The following ATRNL1 variants were observed in gnomAD, a reference collection of about 807,000 sequenced individuals.
The protein encoded by ATRNL1 is attractin like 1.
ATRNL1 carries 95 observed loss-of-function variants against 182.7 expected under a neutral mutation model. The observed-to-expected ratio is 0.52, with a 90% CI of 0.44 to 0.62. ATRNL1 has a LOEUF of 0.62. Ranked by LOEUF, ATRNL1 falls within the 20% of genes least tolerant of loss-of-function variation. ATRNL1 has a pLI of 0.00. For missense variants in ATRNL1, 1,471 were observed against 1,679.5 expected (o/e 0.88, Z 2.17); for synonymous variants, 576 against 568.3 (o/e 1.01, Z -0.19).
rs1435814425 is a variant in ATRNL1, at chr10:115,300,210, A to G, written c.2592A>G (p.Thr864=). Reference sequence around the variant, plus strand: ...CAGGCTTAAAAGCTAATCCTTGTACATCTATGGCAAATGGCCTTGTCTGTG... The same window carrying G: ...CAGGCTTAAAAGCTAATCCTTGTACGTCTATGGCAAATGGCCTTGTCTGTG... ...AVAGLKANPC[T]SMANGLVCEK... The change falls in exon 16 of 29, where the codon ACA becomes ACG. Residue 864 remains threonine (T), a synonymous_variant. Coordinates refer to ENST00000355044, the MANE Select transcript of ATRNL1 (RefSeq NM_207303.4). 4 of 1,613,894 alleles carry G rather than the reference A, an allele frequency of 2.5e-6. No homozygotes were observed. The African/African-American group carries it at 4.0e-5, about 16-fold the overall frequency.
intron 1 of ATRNL1, among the ~76,000 whole-genome samples, chr10:115,118,674 C>T (rs1215148236): frequency 6.6e-6 from 1 of 152,124 alleles, no homozygotes; most frequent in Non-Finnish European, 1.5e-5. Flanking sequence ...TCCTCCTCTC[C>T]CCTTGAGGCT....
Position 115,108,207 on chromosome 10 carries a change from CAGTTA to C in ATRNL1, c.294-11976_294-11972del, listed in dbSNP as rs1447224549. Among the ~76,000 whole-genome samples the C allele has an allele frequency of 2.6e-5, 4 of 152,090 alleles. 1 individual carries two copies. The highest frequency in any genetic ancestry group is 9.7e-5 in the African/African-American group (4 of 41,412). On this transcript the variant is annotated intron_variant, in intron 1 of 28. Transcript: ENST00000355044. ...TACCTTCTCGCATCTTTACTATATG[CAGTTA>C]AAAGTAGCCACGCAGCTCTTTCAAT...
rs754057599 is a variant in ATRNL1 at position 115,152,909 on chromosome 10, GA to G, written c.830-7130del. ...ATCCCATCAATACCGAATTTATTGA[GA>G]TTTTTTTTAGCATGAAGGGCTGTTG... On this transcript the variant is annotated intron_variant, in intron 5 of 28. Transcript: ENST00000355044. Among the ~76,000 whole-genome samples, 72 of 152,116 alleles carry G rather than the reference GA, an allele frequency of 4.7e-4. 1 individual carries two copies. The highest frequency in any genetic ancestry group is 3.4e-3 in the Middle Eastern group (1 of 294).
intron 27 of ATRNL1, among the ~76,000 whole-genome samples, chr10:115,793,902 G>A (rs998265202): frequency 1.3e-5 from 2 of 152,090 alleles, no homozygotes; most frequent in African/African-American, 4.8e-5. Flanking sequence ...AAAAATCAAT[G>A]AACTATGTGC....
chr10:115,187,527 A>G lies in ATRNL1; in HGVS notation c.1348+16235A>G, dbSNP rs551126993. ...CAGACTGGATTCTATGCTGGATGAAAAATTAAAAAATGCTATGAAGGACAT... is the reference window on the plus strand; with the variant it reads ...CAGACTGGATTCTATGCTGGATGAAGAATTAAAAAATGCTATGAAGGACAT... On this transcript the variant is annotated intron_variant, in intron 8 of 28. Coordinates refer to ENST00000355044, the MANE Select transcript of ATRNL1 (RefSeq NM_207303.4). 2.9e-4 allele frequency among the ~76,000 whole-genome samples: 44 copies of G among 152,236 alleles called. 2 individuals are homozygous for G. The highest frequency in any genetic ancestry group is 3.4e-3 in the Middle Eastern group (1 of 294).
intron 25 of ATRNL1, among the ~76,000 whole-genome samples, chr10:115,535,395 C>G (rs566690636): frequency 1.3e-5 from 2 of 151,162 alleles, no homozygotes; most frequent in Non-Finnish European, 3.0e-5. Context: ...TCCAGTTGAT[C>G]GCATCGGCTC....
intron 26 of ATRNL1, among the ~76,000 whole-genome samples, chr10:115,678,837 A>G (rs1195718280): frequency 6.6e-6 from 1 of 152,144 alleles, no homozygotes; most frequent in Non-Finnish European, 1.5e-5. Flanking sequence ...AAATCTGGTC[A>G]TATAATGTAG....
At chr10:115,487,773 A>G (rs2134641537) in intron 24 of ATRNL1, among the ~76,000 whole-genome samples, 1 of 152,300 alleles carries the variant, frequency 6.6e-6, no homozygotes, top group Non-Finnish European at 1.5e-5. Flanking sequence ...TATGTTGAAT[A>G]GGAGTGATGA....
At chr10:115,665,530 A>G (rs886289952) in intron 26 of ATRNL1, among the ~76,000 whole-genome samples, 7 of 152,186 alleles carry the variant, frequency 4.6e-5, no homozygotes, top group Admixed American at 4.6e-4. Flanking sequence ...GATGACGAGG[A>G]GGAAGAAGAA....
At chr10:115,750,657 T>G (rs148267720) in intron 27 of ATRNL1, among the ~76,000 whole-genome samples, 1 of 152,086 alleles carries the variant, frequency 6.6e-6, no homozygotes, top group Non-Finnish European at 1.5e-5. Flanking sequence ...CTAAAATAAT[T>G]GCAAATATTT....
intron 17 of ATRNL1, among the ~76,000 whole-genome samples, chr10:115,303,221 GT>G (rs5788103): frequency 0.65 from 69,455 of 106,498 alleles, 21,254 homozygotes; most frequent in Middle Eastern, 0.74. Context: ...TGGTATGCAG[GT>G]TTTTTTTTTT....
intron 26 of ATRNL1, among the ~76,000 whole-genome samples, chr10:115,657,944 C>A (rs1860428688): frequency 1.3e-5 from 2 of 151,908 alleles, no homozygotes; most frequent in South Asian, 4.2e-4. Flanking sequence ...AATTGTAACT[C>A]TTTATGAATT....
chr10:115,568,506 G>A (rs1854201214), intron 26 of ATRNL1, among the ~76,000 whole-genome samples: 1 of 151,864 alleles, frequency 6.6e-6, no homozygotes, highest in African/African-American at 2.4e-5. Flanking sequence ...ATATATTCAT[G>A]TCTACATGAA....
chr10:115,160,362 A>G (rs1846725168), intron 6 of ATRNL1, 148 bp downstream of exon 6: 4 of 648,982 alleles, frequency 6.2e-6, no homozygotes, highest in African/African-American at 1.8e-5. Context: ...GAATACATGA[A>G]CTCAGTATGT....
chr10:115,651,067 A>C (rs1029432325), intron 26 of ATRNL1, among the ~76,000 whole-genome samples: 1 of 152,300 alleles, frequency 6.6e-6, no homozygotes, highest in African/African-American at 2.4e-5. Context: ...TGTTCCGCTG[A>C]CTTGCTTTGG....
chr10:115,229,672 A>T (rs974508782), intron 9 of ATRNL1, among the ~76,000 whole-genome samples: 6 of 152,176 alleles, frequency 3.9e-5, no homozygotes, highest in Non-Finnish European at 7.4e-5. Context: ...ACAGGCAAAA[A>T]GACTATTATC....
In ATRNL1 at chr10:115,212,580, A is replaced by G. The variant is rs781821043; in HGVS notation, c.1349-3117A>G. 1.0e-3 allele frequency among the ~76,000 whole-genome samples: 155 copies of G among 152,138 alleles called. 3 individuals are homozygous for G. Among genetic ancestry groups the G allele is most frequent in the Admixed American group, 2.6e-4 (4 of 15,246 alleles). ...ATGTTCATTGCCAGCACTATTCACA[A>G]TAGCAAAGAATCAATCTAAATGCCC... is the stretch of plus-strand genomic sequence containing the variant. On this transcript the variant is annotated intron_variant, in intron 8 of 28. Transcript: ENST00000355044.
chr10:115,138,895 G>A (rs577758488), intron 5 of ATRNL1, among the ~76,000 whole-genome samples: 2 of 152,242 alleles, frequency 1.3e-5, no homozygotes, highest in East Asian at 3.9e-4. Flanking sequence ...CTTTTATGCT[G>A]TGTGTCCCTT....
intron 26 of ATRNL1, among the ~76,000 whole-genome samples, chr10:115,554,603 T>C (rs1435753208): frequency 6.6e-6 from 1 of 151,574 alleles, no homozygotes; most frequent in African/African-American, 2.4e-5. Flanking sequence ...TTTTAAAACA[T>C]TTCAATAAGG....
Sources: allele counts gnomAD v4.1 joint callset (sites outside exome capture counted in the v4.1 genomes callset), GRCh38; gene constraint gnomAD v4.1.1; transcripts MANE v1.5; gene names NCBI Gene and HGNC (gene_info 2026-07-23, HGNC 2026-07-21).